The following PKD1L3 variants were observed in gnomAD, a reference collection of about 807,000 sequenced individuals.
PKD1L3 encodes the protein polycystin-1-like protein 3.
In PKD1L3, 239 loss-of-function variants were observed where a neutral mutation model predicts 184.1. That is an observed-to-expected ratio of 1.30 (90% CI 1.17 to 1.45). The LOEUF is 1.45. Ranked by LOEUF, PKD1L3 falls within the 40% of genes most tolerant of loss-of-function variation. The pLI is 0.00. For synonymous variants in PKD1L3, 996 were observed against 778.8 expected (o/e 1.28, Z -4.64); for missense variants, 2,660 against 2,067.2 (o/e 1.29, Z -5.56).
intron 28 of PKD1L3, among the ~76,000 whole-genome samples, chr16:71,931,396 T>A (rs1323755883): frequency 1.3e-5 from 2 of 151,806 alleles, no homozygotes; most frequent in African/African-American, 4.8e-5. Context: ...TGAGGATGCT[T>A]AAGTCCCTTA....
chr16:71,946,981 G>C (rs1290243108), intron 22 of PKD1L3, among the ~76,000 whole-genome samples: 1 of 151,124 alleles, frequency 6.6e-6, no homozygotes, highest in East Asian at 2.0e-4. Context: ...GGGAGTCCGG[G>C]GGCGGTGGCT....
At chr16:71,934,559 G>T (rs932416755) in intron 26 of PKD1L3, among the ~76,000 whole-genome samples, 1 of 152,202 alleles carries the variant, frequency 6.6e-6, no homozygotes, top group Non-Finnish European at 1.5e-5. Flanking sequence ...CAGGATTGCT[G>T]TAATAGGTGC....
At chr16:71,983,893 C>A in intron 6 of PKD1L3, 143 bp downstream of exon 6, 2 of 1,154,514 alleles carry the variant, frequency 1.7e-6, no homozygotes, top group East Asian at 3.0e-5. Flanking sequence ...GAACTCCTGG[C>A]CTCATGTGAT....
At chr16:71,958,996 A>C (rs910716467) in intron 16 of PKD1L3, among the ~76,000 whole-genome samples, 2 of 144,752 alleles carry the variant, frequency 1.4e-5, no homozygotes, top group Admixed American at 1.4e-4. Flanking sequence ...CTGAGAAAGA[A>C]TTGCTTGAAC....
At chr16:71,986,066 T>A (rs1157560731) in intron 5 of PKD1L3, among the ~76,000 whole-genome samples, 155 bp downstream of exon 5, 2 of 152,236 alleles carry the variant, frequency 1.3e-5, no homozygotes, top group Non-Finnish European at 2.9e-5. Context: ...TCAAATTGGC[T>A]GTTTCCATGG....
chr16:71,980,134 C>T lies in PKD1L3; in HGVS notation c.1144G>A (p.Val382Ile). ...WLESKRHTEP[V>I]EDILEMSLVE... The stretch of plus-strand genomic sequence containing the variant: ...AAGGACATTTCCAGGATGTCTTCTA[C>T]CTGCATGGAAAGGAAAACAGTGTGT... Residue 382 changes from valine (V) to isoleucine (I), a missense_variant and splice_region_variant, in exon 8 of 30, where the codon GTA becomes ATA. Physicochemically the swap from Val to Ile is conservative, Grantham distance 29. Transcript: ENST00000620267. 6.4e-7 allele frequency: 1 copy of T among 1,551,366 alleles called. No homozygotes were observed. The highest frequency in any genetic ancestry group is 8.7e-7 in the Non-Finnish European group (1 of 1,146,758).
At chr16:71,990,151 A>T in intron 4 of PKD1L3, 129 bp downstream of exon 4, 9 of 688,430 alleles carry the variant, frequency 1.3e-5, no homozygotes, top group Non-Finnish European at 1.9e-5. Context: ...TCTTGCACGT[A>T]AGTACTTTAT....
chr16:71,989,670 T>C (rs939284753), intron 4 of PKD1L3, among the ~76,000 whole-genome samples: 5 of 152,248 alleles, frequency 3.3e-5, no homozygotes, highest in Non-Finnish European at 7.3e-5. Context: ...TTTTATTGCA[T>C]TGTATTTTTG....
chr16:71,953,687 G>A (rs1041066029), intron 17 of PKD1L3, among the ~76,000 whole-genome samples: 5 of 151,996 alleles, frequency 3.3e-5, no homozygotes, highest in African/African-American at 1.2e-4. Flanking sequence ...TCCGCCTCCT[G>A]GGTTTAAGCA....
At chr16:71,993,395 A>G in intron 2 of PKD1L3, 63 bp from the exon 3 acceptor site, 1 of 1,045,966 alleles carries the variant, frequency 9.6e-7, no homozygotes, top group Non-Finnish European at 1.4e-6. Flanking sequence ...AGTCTATAAA[A>G]CCATCATTAC....
intron 18 of PKD1L3, among the ~76,000 whole-genome samples, chr16:71,952,409 C>T (rs577249390): frequency 4.7e-4 from 71 of 150,966 alleles, no homozygotes; most frequent in Middle Eastern, 3.4e-3. Context: ...TTAGTAGAGA[C>T]GGGGTTTCAC....
rs1465353846 is a variant in PKD1L3 at position 71,968,020 on chromosome 16, C to G, written c.2185-13G>C. 2 of 1,544,162 alleles carry G rather than the reference C, an allele frequency of 1.3e-6. No individual in the cohort carries two copies. The highest frequency in any genetic ancestry group is 2.0e-5 in the Admixed American group (1 of 50,870). ...CAGTGACCTTCACCTGCAAGAAAAGCAGAACCATGCAACTTACTAGGCCTC... is the reference window on the plus strand; with the variant it reads ...CAGTGACCTTCACCTGCAAGAAAAGGAGAACCATGCAACTTACTAGGCCTC... On this transcript the variant is annotated splice_polypyrimidine_tract_variant and intron_variant, in intron 13 of 29. Transcript: ENST00000620267.
At chr16:71,936,888 G>GA (rs1410126956) in intron 25 of PKD1L3, among the ~76,000 whole-genome samples, 2 of 152,130 alleles carry the variant, frequency 1.3e-5, no homozygotes, top group Admixed American at 6.5e-5. Context: ...TTTAGCTCCT[G>GA]AAAAATTGAA....
intron 11 of PKD1L3, among the ~76,000 whole-genome samples, chr16:71,976,422 A>AT (rs1414867010): frequency 6.6e-6 from 1 of 150,574 alleles, no homozygotes; most frequent in Non-Finnish European, 1.5e-5. Flanking sequence ...CACCCATCTA[A>AT]TTTTTTGTAT....
In PKD1L3 at chr16:71,977,217, A is replaced by C; in HGVS notation, c.1759+19T>G. ...AAAAAGAAATCAAAGTAAGTTTCTG[A>C]CAGCTGATTGGGTTTTACCTTTTTG... On this transcript the variant is annotated intron_variant, in intron 11 of 29. Transcript: ENST00000620267. 3 of 1,463,506 alleles carry C rather than the reference A, an allele frequency of 2.0e-6. No individual in the cohort carries two copies. Among genetic ancestry groups the C allele is most frequent in the Non-Finnish European group, 2.8e-6 (3 of 1,067,092 alleles). The allele number at this position is 1,463,506 out of a possible 1,614,324, so 90.7% of individuals were successfully genotyped here.
At chr16:71,931,540 C>T (rs557618270) in intron 28 of PKD1L3, among the ~76,000 whole-genome samples, 1 of 145,070 alleles carries the variant, frequency 6.9e-6, no homozygotes, top group Admixed American at 7.0e-5. Flanking sequence ...TCTTGGCTCA[C>T]TGCAACCTCC....
At chr16:71,967,099 A>C (rs1441233536) in intron 15 of PKD1L3, 38 bp downstream of exon 15, 1 of 1,526,472 alleles carries the variant, frequency 6.6e-7, no homozygotes, top group East Asian at 2.5e-5. Context: ...TTGGATCCAC[A>C]AAGCAGCAGC....
In PKD1L3 at chr16:71,967,213, G is replaced by C; in HGVS notation, c.2389C>G (p.Leu797Val). 1 of 1,551,712 alleles carries C rather than the reference G, an allele frequency of 6.4e-7. No individual in the cohort carries two copies. The highest frequency in any genetic ancestry group is 1.2e-5 in the South Asian group (1 of 84,062). The change falls in exon 15 of 30, where the codon CTC (leucine) becomes GTC (valine). Residue 797 changes from leucine to valine, a missense_variant. Leu to Val is a conservative substitution (Grantham distance 32). Coordinates refer to ENST00000620267, the MANE Select transcript of PKD1L3 (RefSeq NM_181536.2). ...TTCCCTAGAGAGGTCCAAGTGGTGA[G>C]AAGGAAGACATCCAGGCCCCCTCGT... Reference protein sequence around the residue: ...FERGGLDVFLLTTWTSLGNLH... With the variant: ...FERGGLDVFLVTTWTSLGNLH...
At chr16:71,962,563 T>C (rs1217360885) in intron 16 of PKD1L3, among the ~76,000 whole-genome samples, 2 of 152,170 alleles carry the variant, frequency 1.3e-5, no homozygotes, top group Non-Finnish European at 2.9e-5. Context: ...CTTGGCTCAC[T>C]GCAACCTCTG....
Sources: allele counts gnomAD v4.1 joint callset (sites outside exome capture counted in the v4.1 genomes callset), GRCh38; gene constraint gnomAD v4.1.1; transcripts MANE v1.5; gene names NCBI Gene and HGNC (gene_info 2026-07-23, HGNC 2026-07-21).